Variants in DGKB observed in about 807,000 individuals in gnomAD.
DGKB encodes the protein diacylglycerol kinase beta.
A neutral mutation model predicts 114.3 loss-of-function variants in DGKB; 67 were observed. The ratio of observed to expected loss-of-function variants is 0.59; its 90% CI spans 0.48 to 0.72. The LOEUF (loss-of-function observed/expected upper bound fraction) is 0.72. DGKB is among the 30% of genes least tolerant of loss of function. The pLI is 0.00. For missense variants in DGKB, 907 were observed against 975.2 expected (o/e 0.93, Z 0.93); for synonymous variants, 398 against 323.1 (o/e 1.23, Z -2.49).
In DGKB at chr7:14,790,714, G is replaced by T. The variant is rs574870116; in HGVS notation, c.71-32983C>A. On this transcript the variant is annotated intron_variant, in intron 2 of 25. Coordinates refer to ENST00000402815, the MANE Select transcript of DGKB (RefSeq NM_001350709.2). ...GCTTCATTAATGTAGCTTGTATATAGTAAGGTCTTAAAATTGGGTAGACAA... is the reference window on the plus strand; with the variant it reads ...GCTTCATTAATGTAGCTTGTATATATTAAGGTCTTAAAATTGGGTAGACAA... Among the ~76,000 whole-genome samples the T allele has an allele frequency of 1.5e-4, 23 of 152,212 alleles. No homozygotes were observed. The East Asian group carries it at 3.9e-3, about 26-fold the overall frequency.
chr7:14,343,199 A>AC (rs1554366272), intron 22 of DGKB, among the ~76,000 whole-genome samples: 4,712 of 146,412 alleles, frequency 0.032, 256 homozygotes, highest in African/African-American at 0.11. Flanking sequence ...ACACACACAC[A>AC]ACAAGATATG....
chr7:14,862,227 AATG>A (rs997260248), intron 1 of DGKB, among the ~76,000 whole-genome samples: 11 of 152,064 alleles, frequency 7.2e-5, no homozygotes, highest in African/African-American at 2.7e-4. Flanking sequence ...CACATAGTGA[AATG>A]ATGACCACAA....
chr7:14,490,763 G>A (rs142446725), intron 20 of DGKB, among the ~76,000 whole-genome samples: 5 of 152,174 alleles, frequency 3.3e-5, no homozygotes, highest in South Asian at 2.1e-4. Context: ...TTTATTCAGC[G>A]CTTCATTCCT....
chr7:14,640,738 A>G (rs1452183203), intron 13 of DGKB, among the ~76,000 whole-genome samples: 1 of 152,188 alleles, frequency 6.6e-6, no homozygotes, highest in Non-Finnish European at 1.5e-5. Context: ...GTTTCAAGTA[A>G]AAGTTGAGAA....
Position 14,147,043 on chromosome 7 carries a change from T to G in DGKB, c.*2088A>C, listed in dbSNP as rs1407931619. ...AATTTGTGGCTTCAAAATATGTTTT[T>G]GACACAAAGCCTGCCTGCCCATTGT... On this transcript the variant is annotated 3_prime_UTR_variant, in exon 26 of 26. Transcript: ENST00000402815. 6.6e-6 allele frequency: 1 copy of G among 152,192 alleles called. No individual in the cohort carries two copies. The highest frequency in any genetic ancestry group is 1.9e-4 in the East Asian group (1 of 5,198). 9.4% of individuals were successfully genotyped at this position (152,192 alleles called of 1,614,324 possible). A position where few individuals can be genotyped will look rare whatever the true frequency, so the allele number is the denominator to read the frequency against.
intron 23 of DGKB, among the ~76,000 whole-genome samples, chr7:14,283,706 G>A (rs1223659468): frequency 2.0e-5 from 3 of 152,040 alleles, no homozygotes; most frequent in African/African-American, 4.8e-5. Context: ...GAGAAATAAC[G>A]CTGCATATCT....
At chr7:14,559,786 A>G (rs928564703) in intron 20 of DGKB, among the ~76,000 whole-genome samples, 33 of 152,212 alleles carry the variant, frequency 2.2e-4, no homozygotes, top group Admixed American at 2.0e-3. Context: ...CTATTTAGTG[A>G]AACTCCAGGA....
At chr7:14,299,993 C>T (rs1304563849) in intron 23 of DGKB, among the ~76,000 whole-genome samples, 1 of 151,958 alleles carries the variant, frequency 6.6e-6, no homozygotes, top group African/African-American at 2.4e-5. Flanking sequence ...CTCTATAACA[C>T]GGGATAGATG....
chr7:14,612,154 C>T (rs980457669), intron 16 of DGKB, among the ~76,000 whole-genome samples: 30 of 145,890 alleles, frequency 2.1e-4, no homozygotes, highest in South Asian at 6.7e-4. Flanking sequence ...ATCTTATACT[C>T]ATTTTATTTT....
intron 23 of DGKB, among the ~76,000 whole-genome samples, chr7:14,277,180 A>AC (rs1554322626): frequency 5.3e-5 from 8 of 151,216 alleles, no homozygotes; most frequent in Non-Finnish European, 1.0e-4. Context: ...AGTTTATTTT[A>AC]TTTTTTTTGA....
At chr7:14,239,222 G>A (rs1160244611) in intron 23 of DGKB, among the ~76,000 whole-genome samples, 1 of 152,010 alleles carries the variant, frequency 6.6e-6, no homozygotes, top group African/African-American at 2.4e-5. Flanking sequence ...ACCAAGAAAA[G>A]GGTACAAAGC....
chr7:14,641,190 T>A (rs1216515973), intron 13 of DGKB, among the ~76,000 whole-genome samples: 2 of 152,150 alleles, frequency 1.3e-5, no homozygotes, highest in African/African-American at 4.8e-5. Flanking sequence ...GATAGAAAAA[T>A]TAAATCTCAT....
At chr7:14,650,004 G>T (rs1414179076) in intron 13 of DGKB, among the ~76,000 whole-genome samples, 2 of 151,248 alleles carry the variant, frequency 1.3e-5, no homozygotes, top group South Asian at 2.1e-4. Flanking sequence ...AGCAAGTCCT[G>T]AGTGACCTAC....
At chr7:14,356,308 C>A (rs1814479720) in intron 21 of DGKB, among the ~76,000 whole-genome samples, 1 of 150,300 alleles carries the variant, frequency 6.7e-6, no homozygotes, top group South Asian at 2.1e-4. Context: ...TTGTTTCTTG[C>A]CTTCTGTTAG....
intron 1 of DGKB, among the ~76,000 whole-genome samples, chr7:14,921,788 G>A (rs185550132): frequency 6.6e-6 from 1 of 152,096 alleles, no homozygotes; most frequent in African/African-American, 2.4e-5. Context: ...ACTATACTAA[G>A]GAATTTGAAA....
intron 21 of DGKB, among the ~76,000 whole-genome samples, chr7:14,435,903 T>C (rs1829169735): frequency 6.6e-6 from 1 of 152,150 alleles, no homozygotes; most frequent in African/African-American, 2.4e-5. Context: ...CCTATTATTG[T>C]AATATTCTTT....
chr7:14,527,014 A>T (rs1194341009), intron 20 of DGKB, among the ~76,000 whole-genome samples: 3 of 152,178 alleles, frequency 2.0e-5, no homozygotes, highest in Non-Finnish European at 4.4e-5. Context: ...ATTTTATGCT[A>T]AATATCCTCA....
At chr7:14,465,206 T>C (rs1441633364) in intron 21 of DGKB, among the ~76,000 whole-genome samples, 1 of 152,044 alleles carries the variant, frequency 6.6e-6, no homozygotes, top group Non-Finnish European at 1.5e-5. Context: ...TTGTCTTCCC[T>C]GTAGGCCCAA....
rs531668619 is a variant in DGKB, at chr7:14,568,203, A to T, written c.1770+6009T>A. 5.3e-5 allele frequency among the ~76,000 whole-genome samples: 8 copies of T among 152,310 alleles called. No homozygotes were observed. In the South Asian group the frequency reaches 1.7e-3, roughly 32 times the overall value. ...AATCCTCAAACAGTACCTGGTACAT[A>T]GAAGGTACTAAATAAATATGCTTTT... On this transcript the variant is annotated intron_variant, in intron 20 of 25. Transcript: ENST00000402815.
Sources: gnomAD v4.1 joint callset for allele counts (sites outside exome capture counted in the v4.1 genomes callset) on GRCh38, gnomAD v4.1.1 for gene constraint, MANE v1.5 for transcripts, NCBI Gene and HGNC (gene_info 2026-07-23, HGNC 2026-07-21) for gene names.